TTC23: variants seen among roughly 807,000 people sequenced by gnomAD.
TTC23 encodes the protein tetratricopeptide repeat domain 23, also known as tetratricopeptide repeat protein 23.
Under a neutral mutation model 55.1 loss-of-function variants are expected in TTC23, and 58 were observed. The observed-to-expected ratio is 1.05, with a 90% CI of 0.85 to 1.31. The LOEUF is 1.31. Among genes scored for constraint, TTC23 ranks in the 50% most tolerant of loss-of-function variants. TTC23 has a pLI of 0.00. For missense variants in TTC23, 516 were observed against 534.4 expected (o/e 0.97, Z 0.34); for synonymous variants, 203 against 199.9 (o/e 1.02, Z -0.13).
intron 12 of TTC23, among the ~76,000 whole-genome samples, chr15:99,153,844 C>A (rs1264472368): frequency 4.6e-5 from 7 of 151,934 alleles, no homozygotes; most frequent in African/African-American, 1.7e-4. Context: ...AATAGACAAA[C>A]TAAGTCAAGG....
At chr15:99,171,739 T>G (rs576604769) in intron 10 of TTC23, among the ~76,000 whole-genome samples, 28 of 151,318 alleles carry the variant, frequency 1.9e-4, no homozygotes, top group African/African-American at 6.8e-4. Flanking sequence ...ATTTTTTGTA[T>G]TTTTAGTAGA....
Position 99,138,101 on chromosome 15 carries a change from C to T in TTC23, c.1253G>A (p.Arg418Lys), listed in dbSNP as rs2151819044. 6.2e-7 allele frequency: 1 copy of T among 1,613,142 alleles called. No homozygotes were observed. Reference protein sequence around the residue: ...STAPKVASKPRQASKAKVAFC... With the variant: ...STAPKVASKPKQASKAKVAFC... Reference sequence around the variant, plus strand: ...GGCCACTTTGGCTTTTGATGCCTGCCTTGGCTTCGAAGCAACCTTGGGGGC... The same window carrying T: ...GGCCACTTTGGCTTTTGATGCCTGCTTTGGCTTCGAAGCAACCTTGGGGGC... The change falls in exon 14 of 14, where the codon AGG becomes AAG. Residue 418 changes from arginine to lysine, a missense_variant. By Grantham distance (26) the Arg-to-Lys change is conservative. Coordinates refer to ENST00000394132, the MANE Select transcript of TTC23 (RefSeq NM_001288615.3).
At chr15:99,191,260 T>C (rs904338876) in intron 9 of TTC23, among the ~76,000 whole-genome samples, 22 of 152,254 alleles carry the variant, frequency 1.4e-4, no homozygotes, top group African/African-American at 4.8e-4. Context: ...ACAAACACTT[T>C]TTTCTAGGAA....
At chr15:99,156,409 T>C in intron 11 of TTC23, 112 bp from the exon 12 acceptor site, 2 of 1,283,356 alleles carry the variant, frequency 1.6e-6, no homozygotes, top group Non-Finnish European at 2.2e-6. Flanking sequence ...GCTGAGCCTG[T>C]TCTCCTCTTG....
At chr15:99,228,467 CT>C in intron 5 of TTC23, 65 bp downstream of exon 5, 2 of 1,379,024 alleles carry the variant, frequency 1.5e-6, no homozygotes, top group East Asian at 4.9e-5. Context: ...AAACATTCTA[CT>C]TCTCTTGATT....
At chr15:99,153,512 C>A (rs1302675648) in intron 12 of TTC23, among the ~76,000 whole-genome samples, 1 of 152,156 alleles carries the variant, frequency 6.6e-6, no homozygotes, top group Non-Finnish European at 1.5e-5. Context: ...CTAGTTAATT[C>A]TTTTGGTTTG....
In TTC23 at chr15:99,161,772, A is replaced by G; in HGVS notation, c.961T>C (p.Cys321Arg). Residue 321 changes from cysteine (C) to arginine (R), a missense_variant, in exon 11 of 14, where the codon TGC becomes CGC. Coordinates refer to ENST00000394132, the MANE Select transcript of TTC23 (RefSeq NM_001288615.3). ...TKFLSIQDEF[C>R]HFLQMTGQKE... ...TGTCCAGTCATTTGTAGAAAATGGC[A>G]AAATTCATCTTGAATTGAAAGAAAT... The G allele has an allele frequency of 1.9e-6, 3 of 1,613,568 alleles. No homozygotes were observed. Among genetic ancestry groups the G allele is most frequent in the South Asian group, 2.2e-5 (2 of 90,914 alleles).
intron 2 of TTC23, among the ~76,000 whole-genome samples, chr15:99,242,153 A>G (rs1281805147): frequency 1.3e-5 from 2 of 151,870 alleles, no homozygotes; most frequent in African/African-American, 4.8e-5. Context: ...AAAAAAGTTA[A>G]AAAAAAGAAG....
At chr15:99,235,451 A>G (rs2079243522) in intron 3 of TTC23, among the ~76,000 whole-genome samples, 1 of 151,000 alleles carries the variant, frequency 6.6e-6, no homozygotes, top group African/African-American at 2.4e-5. Flanking sequence ...GCTCACTGCA[A>G]TCTCTGCCTC....
chr15:99,196,168 A>T (rs2075690691), intron 9 of TTC23, among the ~76,000 whole-genome samples: 1 of 151,668 alleles, frequency 6.6e-6, no homozygotes, highest in South Asian at 2.1e-4. Context: ...AAAAAAAAAA[A>T]GTTTGAGAGA....
chr15:99,161,933 T>C (rs527866097), intron 10 of TTC23, 66 bp from the exon 11 acceptor site: 1 of 1,516,780 alleles, frequency 6.6e-7, no homozygotes, highest in South Asian at 1.3e-5. Flanking sequence ...ACAGAATAAA[T>C]ATACTGTTAG....
intron 8 of TTC23, among the ~76,000 whole-genome samples, chr15:99,213,889 T>A (rs530379312): frequency 2.0e-4 from 30 of 152,326 alleles, no homozygotes; most frequent in African/African-American, 7.0e-4. Context: ...ATGCATGCAT[T>A]TCTATTGGGT....
rs2076028595 is a variant in TTC23 at position 99,199,502 on chromosome 15, C to G, written c.759+417G>C. Among the ~76,000 whole-genome samples the G allele has an allele frequency of 1.3e-5, 2 of 149,354 alleles. 1 individual carries two copies. Among genetic ancestry groups the G allele is most frequent in the South Asian group, 4.2e-4 (2 of 4,726 alleles). On this transcript the variant is annotated intron_variant, in intron 9 of 13. Coordinates refer to ENST00000394132, the MANE Select transcript of TTC23 (RefSeq NM_001288615.3). ...TGTACGTATCCTATTGGTTCTGTTT[C>G]TCTGGAGAACTCTGATGGACACAAC...
chr15:99,216,615 G>A (rs902360968), intron 8 of TTC23, among the ~76,000 whole-genome samples: 3 of 152,126 alleles, frequency 2.0e-5, no homozygotes, highest in Non-Finnish European at 4.4e-5. Context: ...TGGCTAAGTC[G>A]TATATGAAAA....
intron 2 of TTC23, among the ~76,000 whole-genome samples, chr15:99,244,734 C>T (rs1023570044): frequency 2.0e-5 from 3 of 152,014 alleles, no homozygotes; most frequent in African/African-American, 7.2e-5. Context: ...AATGTAATAT[C>T]CATCAAAACT....
chr15:99,149,068 G>A (rs999034837), intron 12 of TTC23, among the ~76,000 whole-genome samples: 8 of 152,200 alleles, frequency 5.3e-5, no homozygotes, highest in Admixed American at 1.3e-4. Flanking sequence ...TGATAAACAC[G>A]AGAGCCACCG....
At chr15:99,170,336 G>A (rs900305642) in intron 10 of TTC23, among the ~76,000 whole-genome samples, 1 of 152,074 alleles carries the variant, frequency 6.6e-6, no homozygotes, top group Non-Finnish European at 1.5e-5. Flanking sequence ...TGGGCATTTC[G>A]CACGCAAGCA....
intron 8 of TTC23, among the ~76,000 whole-genome samples, chr15:99,206,034 A>AG (rs1596656534): frequency 6.6e-6 from 1 of 152,206 alleles, no homozygotes; most frequent in African/African-American, 2.4e-5. Flanking sequence ...TTTATCATGA[A>AG]GGGATGTTGA....
At chr15:99,159,417 T>C (rs1239708925) in intron 11 of TTC23, 1 of 152,264 alleles carries the variant, frequency 6.6e-6, no homozygotes, top group East Asian at 1.9e-4. Flanking sequence ...TACAAATATT[T>C]GATGACATCA....
Sources: allele counts gnomAD v4.1 joint callset (sites outside exome capture counted in the v4.1 genomes callset), GRCh38; gene constraint gnomAD v4.1.1; transcripts MANE v1.5; gene names NCBI Gene and HGNC (gene_info 2026-07-23, HGNC 2026-07-21).